Variants in ZNF534 observed in about 807,000 individuals in gnomAD.
ZNF534 encodes KRAB domain only 3.
ZNF534 carries 19 observed loss-of-function variants against 13.6 expected under a neutral mutation model. The ratio of observed to expected loss-of-function variants is 1.40; its 90% CI spans 0.97 to 2.05. The LOEUF is 2.05. Among genes scored for constraint, ZNF534 ranks in the 30% most tolerant of loss-of-function variants. ZNF534 has a pLI of 0.00. For synonymous variants in ZNF534, 244 were observed against 273.8 expected (o/e 0.89, Z 1.07); for missense variants, 782 against 796.3 (o/e 0.98, Z 0.22).
At chr19:52,435,552 G>C (rs2059123466) in intron 4 of ZNF534, among the ~76,000 whole-genome samples, 1 of 152,220 alleles carries the variant, frequency 6.6e-6, no homozygotes, top group Non-Finnish European at 1.5e-5. Context: ...CACCCAGGCT[G>C]GAGTGCAGTG....
In ZNF534 at chr19:52,440,199, T is replaced by C. The variant is rs1568447090; in HGVS notation, c.*753T>C. On this transcript the variant is annotated 3_prime_UTR_variant, in exon 5 of 5. Coordinates refer to ENST00000433050, the MANE Select transcript of ZNF534 (RefSeq NM_001143938.3). ...AAGGAAACCATAGAAATATAAAGAA[T>C]ACAAGAAGGTCTTCAGGCACATGTT... Among the ~76,000 whole-genome samples, 2 of 152,186 alleles carry C rather than the reference T, an allele frequency of 1.3e-5. No individual in the cohort carries two copies. The highest frequency in any genetic ancestry group is 2.9e-5 in the Non-Finnish European group (2 of 68,034).
chr19:52,442,812 CTT>C (rs1568448323), downstream of ZNF534, among the ~76,000 whole-genome samples: 2 of 152,114 alleles, frequency 1.3e-5, no homozygotes, highest in East Asian at 3.9e-4. Context: ...AGAACACTGT[CTT>C]TTTATATTAA....
Position 52,441,620 on chromosome 19 carries a change from CAAAG to C in ZNF534, c.*2175_*2178del, listed in dbSNP as rs1441701588. Among the ~76,000 whole-genome samples, 1 of 152,172 alleles carries C rather than the reference CAAAG, an allele frequency of 6.6e-6. No homozygotes were observed. Among genetic ancestry groups the C allele is most frequent in the Non-Finnish European group, 1.5e-5 (1 of 68,034 alleles). On this transcript the variant is annotated 3_prime_UTR_variant, in exon 5 of 5. Transcript: ENST00000433050. ...AGCCTTACAAATGCAGCGAATGTGA[CAAAG>C]CATTTAGATAATGTTCAGGCTTTAC...
downstream of ZNF534, among the ~76,000 whole-genome samples, chr19:52,445,487 G>T (rs1177488206): frequency 6.6e-6 from 1 of 152,140 alleles, no homozygotes; most frequent in African/African-American, 2.4e-5. Context: ...GTGAGCCATA[G>T]CACCCAGCCT....
intron 4 of ZNF534, among the ~76,000 whole-genome samples, chr19:52,448,805 AT>A (rs2059202919): frequency 1.3e-5 from 2 of 152,240 alleles, no homozygotes; most frequent in African/African-American, 4.8e-5. Context: ...AAAATAGATA[AT>A]GATCAAATCA....
chr19:52,445,641 G>A (rs1481633239), downstream of ZNF534, among the ~76,000 whole-genome samples: 1 of 152,158 alleles, frequency 6.6e-6, no homozygotes, highest in Non-Finnish European at 1.5e-5. Context: ...ACAGTATTTG[G>A]GGTGTCTCCT....
Position 52,438,504 on chromosome 19 carries a change from T to C in ZNF534, c.1044T>C (p.His348=), listed in dbSNP as rs766462078. The change falls in exon 5 of 5, where the codon CAT becomes CAC. Residue 348 remains histidine, a synonymous_variant. Coordinates refer to ENST00000433050, the MANE Select transcript of ZNF534 (RefSeq NM_001143938.3). ...KSSLTTHQTV[H]TGERPYKCNE... The stretch of plus-strand genomic sequence containing the variant: ...CCCTAACCACTCATCAGACAGTTCA[T>C]ACTGGAGAGAGACCATACAAATGTA... The C allele has an allele frequency of 5.0e-6, 8 of 1,589,388 alleles. No homozygotes were observed. In the South Asian group the frequency reaches 5.6e-5, roughly 11 times the overall value.
chr19:52,438,085 A>G lies in ZNF534; in HGVS notation c.625A>G (p.Ile209Val), dbSNP rs777998707. 3 of 1,614,216 alleles carry G rather than the reference A, an allele frequency of 1.9e-6. No homozygotes were observed. The highest frequency in any genetic ancestry group is 1.7e-6 in the Non-Finnish European group (2 of 1,180,032). ...SSLTNRQVIH[I>V]ADKTYKCSDC... is the part of the protein sequence containing the mutation. ...CCTTACTAACCGTCAAGTAATCCAC[A>G]TTGCAGATAAAACTTACAAATGTAG... The change falls in exon 5 of 5, where the codon ATT becomes GTT. Residue 209 changes from isoleucine to valine, a missense_variant. Ile to Val is a conservative substitution (Grantham distance 29). Coordinates refer to ENST00000433050, the MANE Select transcript of ZNF534 (RefSeq NM_001143938.3).
Position 52,439,285 on chromosome 19 carries a change from A to G in ZNF534, c.1825A>G (p.Asn609Asp). ...TACTGGAGAGAAGCTTTACAAATGT[A>G]ATGAATGTAGCAAGGTCTTCAGTCG... ...IHTGEKLYKC[N>D]ECSKVFSRNS... is the part of the protein sequence containing the mutation. Residue 609 changes from asparagine (N) to aspartate (D), a missense_variant, in exon 5 of 5, where the codon AAT (asparagine) becomes GAT (aspartate). By Grantham distance (23) the Asn-to-Asp change is conservative. Transcript: ENST00000433050. The G allele has an allele frequency of 6.4e-7, 1 of 1,565,184 alleles. No homozygotes were observed. Among genetic ancestry groups the G allele is most frequent in the Non-Finnish European group, 8.7e-7 (1 of 1,154,598 alleles).
chr19:52,436,324 A>C (rs2608489), intron 4 of ZNF534, among the ~76,000 whole-genome samples: 142,463 of 152,218 alleles, frequency 0.94, 66,911 homozygotes, highest in Non-Finnish European at 0.96. Context: ...AGACTTATAC[A>C]GTTTCCTATT....
intron 1 of ZNF534, 56 bp from the exon 2 acceptor site, chr19:52,431,352 C>A: frequency 7.6e-7 from 1 of 1,312,074 alleles, no homozygotes; most frequent in Non-Finnish European, 1.1e-6. Context: ...GTGGCTGTGG[C>A]ACAGGAAGTG....
intron 4 of ZNF534, 55 bp from the exon 5 acceptor site, chr19:52,437,676 AG>A: frequency 6.8e-7 from 1 of 1,460,990 alleles, no homozygotes; most frequent in Non-Finnish European, 9.1e-7. Flanking sequence ...GTTTTCTGTC[AG>A]ACTTTAAACA....
Position 52,437,807 on chromosome 19 carries a change from A to G in ZNF534, c.347A>G (p.His116Arg), listed in dbSNP as rs2059137926. The G allele has an allele frequency of 6.2e-7, 1 of 1,613,394 alleles. No homozygotes were observed. The change falls in exon 5 of 5, where the codon CAT becomes CGT. Residue 116 changes from histidine to arginine, a missense_variant. Physicochemically the swap from His to Arg is conservative, Grantham distance 29 (BLOSUM62 0). Coordinates refer to ENST00000433050, the MANE Select transcript of ZNF534 (RefSeq NM_001143938.3). The part of the protein sequence containing the change: ...KNQHGLTLQL[H>R]LTEWQPFQAV... ...CAACATGGATTAACTCTTCAGTTACATCTGACTGAATGGCAGCCATTTCAA... is the reference window on the plus strand; with the variant it reads ...CAACATGGATTAACTCTTCAGTTACGTCTGACTGAATGGCAGCCATTTCAA...
downstream of ZNF534, among the ~76,000 whole-genome samples, chr19:52,447,339 C>T (rs1279217853): frequency 1.3e-5 from 2 of 152,316 alleles, no homozygotes; most frequent in East Asian, 3.9e-4. Context: ...TTTTATCCTC[C>T]TTTCTGGTCT....
At chr19:52,432,594 G>T (rs141323082) in intron 2 of ZNF534, among the ~76,000 whole-genome samples, 3 of 151,934 alleles carry the variant, frequency 2.0e-5, no homozygotes, top group Non-Finnish European at 4.4e-5. Context: ...TGTTATCATC[G>T]CAGTTTTCAG....
intron 1 of ZNF534, among the ~76,000 whole-genome samples, chr19:52,430,203 A>G (rs1489683284): frequency 6.6e-6 from 1 of 151,138 alleles, no homozygotes; most frequent in African/African-American, 2.4e-5. Context: ...TTTAGTACAG[A>G]CAGGGTTTGA....
At chr19:52,443,149 A>G (rs2059182474), downstream of ZNF534, among the ~76,000 whole-genome samples, 1 of 152,190 alleles carries the variant, frequency 6.6e-6, no homozygotes, top group Non-Finnish European at 1.5e-5. Context: ...TTGAAATGGA[A>G]GAGAAAACAT....
chr19:52,448,786 TACAC>T (rs1484190819), intron 4 of ZNF534, among the ~76,000 whole-genome samples: 3 of 152,230 alleles, frequency 2.0e-5, no homozygotes, highest in Non-Finnish European at 2.9e-5. Context: ...GATATTTTGA[TACAC>T]ACATAAAATA....
chr19:52,445,936 G>A (rs185496811), downstream of ZNF534, among the ~76,000 whole-genome samples: 7 of 152,154 alleles, frequency 4.6e-5, no homozygotes, highest in Admixed American at 3.3e-4. Flanking sequence ...AAAACACAGG[G>A]AATATATAAA....
Sources: allele counts gnomAD v4.1 joint callset (sites outside exome capture counted in the v4.1 genomes callset), GRCh38; gene constraint gnomAD v4.1.1; transcripts MANE v1.5; gene names NCBI Gene and HGNC (gene_info 2026-07-23, HGNC 2026-07-21).